Variants in CTNNA2 observed in about 807,000 individuals in gnomAD.
CTNNA2 encodes the protein catenin alpha 2.
A neutral mutation model predicts 101.0 loss-of-function variants in CTNNA2; 42 were observed. The ratio of observed to expected loss-of-function variants is 0.42; its 90% CI spans 0.32 to 0.54. CTNNA2 has a LOEUF of 0.54. CTNNA2 is among the 20% of genes least tolerant of loss of function. The pLI is 0.14. For missense variants in CTNNA2, 871 were observed against 1,223.1 expected, an observed-to-expected ratio of 0.71 and a Z score of 4.29; for synonymous variants, 450 against 456.4, an observed-to-expected ratio of 0.99 and a Z score of 0.18.
At chr2:79,550,370 G>C (rs1220159904) in intron 1 of CTNNA2, among the ~76,000 whole-genome samples, 1 of 152,146 alleles carries the variant, frequency 6.6e-6, no homozygotes, top group Non-Finnish European at 1.5e-5. Flanking sequence ...CATTTCTGCA[G>C]TCAAAGACAA....
chr2:79,748,248 G>A (rs571698202), intron 3 of CTNNA2, among the ~76,000 whole-genome samples: 1 of 152,304 alleles, frequency 6.6e-6, no homozygotes, highest in South Asian at 2.1e-4. Flanking sequence ...GAGAGGTAGA[G>A]AGAAAAGAGC....
intron 4 of CTNNA2, among the ~76,000 whole-genome samples, chr2:79,861,854 A>G (rs1252427436): frequency 1.3e-5 from 2 of 152,200 alleles, no homozygotes; most frequent in Non-Finnish European, 1.5e-5. Context: ...TACATTTCAG[A>G]CACCATTTAA....
In CTNNA2 at chr2:80,449,758, G is replaced by A. The variant is rs1425931879; in HGVS notation, c.1290+30157G>A. On this transcript the variant is annotated intron_variant, in intron 9 of 18. Transcript: ENST00000402739. ...CAGAACTATAAATACAAAATCCAGG[G>A]TCACTAGGTTCTGGGGGCCATGTGC... Among the ~76,000 whole-genome samples, 4 of 152,132 alleles carry A rather than the reference G, an allele frequency of 2.6e-5. No homozygotes were observed. The East Asian group carries it at 7.7e-4, about 29-fold the overall frequency.
Position 80,303,672 on chromosome 2 carries a change from G to C in CTNNA2, c.1057-89539G>C. On this transcript the variant is annotated intron_variant, in intron 7 of 18. Coordinates refer to ENST00000402739, the MANE Select transcript of CTNNA2 (RefSeq NM_001282597.3). This position sits in a 1 kb window ranked among gnomAD's most constrained non-coding sequence, Gnocchi z 7.7. ...GTGAGGTTGAGCGCCTCGCAGTACAGCAGCCGCCCCTCGCACCGGCACAGC... is the reference window on the plus strand; with the variant it reads ...GTGAGGTTGAGCGCCTCGCAGTACACCAGCCGCCCCTCGCACCGGCACAGC... 6.2e-7 allele frequency: 1 copy of C among 1,611,554 alleles called. No homozygotes were observed. The highest frequency in any genetic ancestry group is 8.5e-7 in the Non-Finnish European group (1 of 1,178,570).
intron 9 of CTNNA2, among the ~76,000 whole-genome samples, chr2:80,484,363 G>C (rs1686386057): frequency 6.6e-6 from 1 of 152,168 alleles, no homozygotes; most frequent in Non-Finnish European, 1.5e-5. Flanking sequence ...GTGCATTAGA[G>C]AGCTGTTGAA....
chr2:79,357,891 T>G (rs1677543774), intron 3 of CTNNA2, among the ~76,000 whole-genome samples: 1 of 152,172 alleles, frequency 6.6e-6, no homozygotes, highest in Non-Finnish European at 1.5e-5. Flanking sequence ...CTGTAAAACA[T>G]CTTTGAATTT....
chr2:80,069,822 G>A (rs1698214307), intron 7 of CTNNA2, among the ~76,000 whole-genome samples: 1 of 152,060 alleles, frequency 6.6e-6, no homozygotes, highest in African/African-American at 2.4e-5. Context: ...CTTCTACTAT[G>A]CATTCTGTTC....
intron 1 of CTNNA2, among the ~76,000 whole-genome samples, chr2:79,188,344 C>A (rs772082292): frequency 1.3e-5 from 2 of 152,134 alleles, no homozygotes; most frequent in Non-Finnish European, 2.9e-5. Flanking sequence ...TCTTGCTCTG[C>A]TTCGACCTCC....
chr2:80,214,956 T>C (rs2149043176), intron 7 of CTNNA2, among the ~76,000 whole-genome samples: 1 of 152,312 alleles, frequency 6.6e-6, no homozygotes, highest in South Asian at 2.1e-4. Flanking sequence ...TTTGTTCGTT[T>C]CTTTTACTCT....
chr2:80,620,568 A>C (rs557043676), intron 18 of CTNNA2, among the ~76,000 whole-genome samples: 15 of 152,102 alleles, frequency 9.9e-5, no homozygotes, highest in African/African-American at 3.1e-4. Context: ...ATAACTGGCC[A>C]ATAGGAAGAT....
intron 7 of CTNNA2, among the ~76,000 whole-genome samples, chr2:80,359,801 A>G (rs1050136822): frequency 4.6e-5 from 7 of 152,118 alleles, no homozygotes; most frequent in South Asian, 4.1e-4. Context: ...GCTTTTCACT[A>G]AGTTATGAAA....
At chr2:80,453,702 T>A (rs1683723343) in intron 9 of CTNNA2, among the ~76,000 whole-genome samples, 1 of 152,176 alleles carries the variant, frequency 6.6e-6, no homozygotes, top group African/African-American at 2.4e-5. Flanking sequence ...AAAACAAAGT[T>A]GCATAGGAGA....
At chr2:79,944,544 G>A (rs1210679559) in intron 7 of CTNNA2, among the ~76,000 whole-genome samples, 1 of 152,148 alleles carries the variant, frequency 6.6e-6, no homozygotes, top group South Asian at 2.1e-4. Flanking sequence ...CAAATACTGG[G>A]GCATGGTACA....
chr2:79,266,778 G>C (rs1157189648), intron 2 of CTNNA2, among the ~76,000 whole-genome samples: 1 of 152,072 alleles, frequency 6.6e-6, no homozygotes, highest in African/African-American at 2.4e-5. Flanking sequence ...ATGAATACAA[G>C]CTTTCTGGGT....
intron 7 of CTNNA2, among the ~76,000 whole-genome samples, chr2:80,233,549 C>T (rs1170877593): frequency 6.6e-6 from 1 of 152,084 alleles, no homozygotes; most frequent in Admixed American, 6.6e-5. Context: ...CACATAGCCT[C>T]CAAATTTAAT....
Position 79,526,040 on chromosome 2 carries a change from C to T in CTNNA2, c.-6+12833C>T, listed in dbSNP as rs77403609. Among the ~76,000 whole-genome samples, 43 of 151,924 alleles carry T rather than the reference C, an allele frequency of 2.8e-4. No homozygotes were observed. In the East Asian group the frequency reaches 6.8e-3, roughly 24 times the overall value. Reference sequence around the variant, plus strand: ...CTGACTTCTTAAATCCAGGTGTATACGTTTTATTGTTGCTCATTTTATCTT... The same window carrying T: ...CTGACTTCTTAAATCCAGGTGTATATGTTTTATTGTTGCTCATTTTATCTT... On this transcript the variant is annotated intron_variant, in intron 1 of 18. Transcript: ENST00000402739.
intron 9 of CTNNA2, among the ~76,000 whole-genome samples, chr2:80,497,107 A>G (rs964445855): frequency 6.6e-6 from 1 of 152,210 alleles, no homozygotes; most frequent in Non-Finnish European, 1.5e-5. Context: ...TGAAGAAAAG[A>G]TATCTGAGCA....
chr2:80,598,153 G>A (rs1281205035), intron 15 of CTNNA2, among the ~76,000 whole-genome samples: 1 of 152,120 alleles, frequency 6.6e-6, no homozygotes, highest in Admixed American at 6.5e-5. Context: ...CATATTAATT[G>A]CAGGGACATG....
chr2:80,194,574 A>G (rs1238689717), intron 7 of CTNNA2, among the ~76,000 whole-genome samples: 1 of 151,488 alleles, frequency 6.6e-6, no homozygotes, highest in East Asian at 1.9e-4. Context: ...CAATGTCTGT[A>G]TATATAGTTT....
Sources: allele counts gnomAD v4.1 joint callset (sites outside exome capture counted in the v4.1 genomes callset), GRCh38; gene constraint gnomAD v4.1.1; non-coding constraint Gnocchi (gnomAD v3.1); transcripts MANE v1.5; gene names NCBI Gene and HGNC (gene_info 2026-07-23, HGNC 2026-07-21).